Variants in RAB9B observed in about 807,000 individuals in gnomAD.
RAB9B encodes the protein ras-related protein Rab-9B.
Under a neutral mutation model 8.9 loss-of-function variants are expected in RAB9B, and 1 was observed. The ratio of observed to expected loss-of-function variants is 0.11; its 90% CI spans 0.04 to 0.53. The LOEUF is 0.53. RAB9B is among the 20% of genes least tolerant of loss of function. The pLI, the probability that RAB9B is intolerant of heterozygous loss-of-function variation, is 0.93. For synonymous variants in RAB9B, 63 were observed against 57.0 expected, an observed-to-expected ratio of 1.10 and a Z score of -0.47; for missense variants, 82 against 152.9, an observed-to-expected ratio of 0.54 and a Z score of 2.45.
the RAB9B span, among the ~76,000 whole-genome samples, chrX:103,812,883 A>G: frequency 7.5e-5 from 8 of 106,084 alleles, no homozygotes; most frequent in Non-Finnish European, 1.6e-4. Context: ...CCATAGCCCC[A>G]GATTGCCTTT....
downstream of RAB9B, among the ~76,000 whole-genome samples, chrX:103,821,589 G>A (rs1206624237): frequency 9.0e-6 from 1 of 111,378 alleles, no homozygotes; most frequent in Non-Finnish European, 1.9e-5. Flanking sequence ...ATATGTGAGA[G>A]GCAAGAGAAC....
chrX:103,831,561 A>G (rs1473143919), intron 1 of RAB9B, among the ~76,000 whole-genome samples: 1 of 101,537 alleles, frequency 9.8e-6, no homozygotes, highest in East Asian at 3.1e-4. Context: ...CTTCCTCAGT[A>G]GACTGCCCAG....
chrX:103,812,392 T>C, the RAB9B span, among the ~76,000 whole-genome samples: 1 of 111,849 alleles, frequency 8.9e-6, no homozygotes, highest in Admixed American at 9.5e-5. Flanking sequence ...TTTTCTTATT[T>C]TATCTCTACA....
At chrX:103,829,363 A>C (rs757697568) in intron 1 of RAB9B, among the ~76,000 whole-genome samples, 1 of 112,009 alleles carries the variant, frequency 8.9e-6, no homozygotes, top group Non-Finnish European at 1.9e-5. Flanking sequence ...TTGTGTCCTT[A>C]CTAAGGAAAC....
At chrX:103,794,685 T>C in the RAB9B span, among the ~76,000 whole-genome samples, 1 of 112,529 alleles carries the variant, frequency 8.9e-6, no homozygotes, top group East Asian at 2.8e-4. Flanking sequence ...GTTAACTTCA[T>C]GAATATTAAG....
chrX:103,785,147 C>T, the RAB9B span, among the ~76,000 whole-genome samples: 12 of 110,803 alleles, frequency 1.1e-4, no homozygotes, highest in Non-Finnish European at 2.1e-4. Context: ...GCAATCTTGG[C>T]TCACGGCAAC....
the RAB9B span, among the ~76,000 whole-genome samples, chrX:103,806,118 A>G: frequency 2.7e-5 from 3 of 109,747 alleles, no homozygotes; most frequent in Non-Finnish European, 5.7e-5. Context: ...AATCTTTGTT[A>G]TTTACTTCTT....
the RAB9B span, among the ~76,000 whole-genome samples, chrX:103,800,833 G>C: frequency 1.8e-5 from 2 of 111,688 alleles, no homozygotes; most frequent in Admixed American, 9.5e-5. Context: ...TTTCCCCACA[G>C]TAAAAGCCTA....
the RAB9B span, chrX:103,787,719 A>G: frequency 2.3e-6 from 2 of 863,467 alleles, no homozygotes; most frequent in Non-Finnish European, 3.5e-6. Flanking sequence ...GGCACACGCC[A>G]CTCCAGGATC....
At chrX:103,827,244 A>G (rs1259199943) in intron 1 of RAB9B, among the ~76,000 whole-genome samples, 166 bp from the exon 2 acceptor site, 1 of 111,364 alleles carries the variant, frequency 9.0e-6, no homozygotes, top group East Asian at 2.8e-4. Context: ...AATGCTACCT[A>G]TGCTTAACAT....
chrX:103,812,939 A>AT, the RAB9B span, among the ~76,000 whole-genome samples: 2 of 101,483 alleles, frequency 2.0e-5, no homozygotes, highest in South Asian at 9.1e-4. Context: ...TTTTTTTTTA[A>AT]TTTTTAAATT....
the RAB9B span, chrX:103,788,421 T>C: frequency 8.4e-7 from 1 of 1,188,608 alleles, no homozygotes; most frequent in Non-Finnish European, 1.1e-6. Flanking sequence ...CTGCTTGCTT[T>C]TTGTGTCTTA....
the RAB9B span, among the ~76,000 whole-genome samples, chrX:103,796,420 G>A: frequency 8.9e-6 from 1 of 111,752 alleles, no homozygotes; most frequent in Non-Finnish European, 1.9e-5. Context: ...AGTGTGCCGA[G>A]ATTGTGCCAC....
the RAB9B span, chrX:103,787,600 G>A: frequency 2.0e-5 from 9 of 456,144 alleles, no homozygotes; most frequent in Non-Finnish European, 3.1e-5. Context: ...CCCACCCTCC[G>A]TTATACTGGG....
intron 2 of RAB9B, among the ~76,000 whole-genome samples, chrX:103,826,676 T>A (rs2074684539): frequency 8.9e-6 from 1 of 112,239 alleles, no homozygotes; most frequent in South Asian, 3.7e-4. Flanking sequence ...AAAGATCAAA[T>A]GCTTACTGAA....
chrX:103,785,800 T>C, the RAB9B span: 47 of 1,117,232 alleles, frequency 4.2e-5, no homozygotes, highest in Non-Finnish European at 5.7e-5. Flanking sequence ...CAGACCCATC[T>C]TTTTTTTCCC....
At chrX:103,793,350 G>A in the RAB9B span, among the ~76,000 whole-genome samples, 1 of 112,058 alleles carries the variant, frequency 8.9e-6, no homozygotes, top group South Asian at 3.7e-4. Flanking sequence ...CCCCATAGTT[G>A]CAGCTGGCAA....
intron 1 of RAB9B, 42 bp from the exon 2 acceptor site, chrX:103,827,120 A>G (rs1315376361): frequency 9.1e-6 from 1 of 109,902 alleles, no homozygotes. Context: ...AAAAATCTAT[A>G]ATAAAATAAC....
At chrX:103,795,042 A>G in the RAB9B span, among the ~76,000 whole-genome samples, 43 of 112,275 alleles carry the variant, frequency 3.8e-4, no homozygotes, top group African/African-American at 1.4e-3. Context: ...TTGATAAATT[A>G]TCTGTGCCAA....
Sources: allele counts gnomAD v4.1 joint callset (sites outside exome capture counted in the v4.1 genomes callset), GRCh38; gene constraint gnomAD v4.1.1; transcripts MANE v1.5; gene names NCBI Gene and HGNC (gene_info 2026-07-23, HGNC 2026-07-21).